Variants in WSCD1 observed in about 807,000 individuals in gnomAD.
WSCD1 encodes the protein sialate:O-sulfotransferase 1.
A neutral mutation model predicts 60.4 loss-of-function variants in WSCD1; 41 were observed. The observed-to-expected ratio is 0.68, with a 90% CI of 0.53 to 0.88. The LOEUF (loss-of-function observed/expected upper bound fraction) is 0.88, where lower values mean the gene tolerates loss of function less well. Among genes scored for constraint, WSCD1 ranks in the 40% least tolerant of loss-of-function variants. The pLI, the probability that WSCD1 is intolerant of heterozygous loss-of-function variation, is 0.00. For missense variants in WSCD1, 784 were observed against 796.2 expected (o/e 0.98, Z 0.18); for synonymous variants, 361 against 332.5 (o/e 1.09, Z -0.93).
intron 5 of WSCD1, among the ~76,000 whole-genome samples, chr17:6,107,360 G>T (rs1320088056): frequency 2.6e-5 from 4 of 151,980 alleles, no homozygotes; most frequent in Admixed American, 6.6e-5. Context: ...AAGTAGCCAG[G>T]CATGGTGGTG....
Position 6,075,632 on chromosome 17 carries a change from A to T in WSCD1, c.-288-4739A>T, listed in dbSNP as rs1029866685. Among the ~76,000 whole-genome samples the T allele has an allele frequency of 3.3e-5, 5 of 152,106 alleles. No individual in the cohort carries two copies. In the East Asian group the frequency reaches 7.8e-4, roughly 24 times the overall value. On this transcript the variant is annotated intron_variant, in intron 1 of 8. Transcript: ENST00000317744. The surrounding 1 kb of genome is among the most constrained non-coding windows in gnomAD (Gnocchi z 4.1). ...CCATTTGTTCTGTTACTCTCTTCTCATGCTTGACAGGGAACTCAGAATCTC... is the reference window on the plus strand; with the variant it reads ...CCATTTGTTCTGTTACTCTCTTCTCTTGCTTGACAGGGAACTCAGAATCTC...
At chr17:6,094,622 G>T (rs1489430486) in intron 4 of WSCD1, among the ~76,000 whole-genome samples, 1 of 150,344 alleles carries the variant, frequency 6.7e-6, no homozygotes, top group African/African-American at 2.4e-5. Context: ...AGGAAGGAAG[G>T]AAGGTAGGCA....
At chr17:6,084,236 G>T (rs976591351) in intron 2 of WSCD1, among the ~76,000 whole-genome samples, 1 of 152,234 alleles carries the variant, frequency 6.6e-6, no homozygotes, top group African/African-American at 2.4e-5. Flanking sequence ...TGCCAGGACC[G>T]AAGGAAGAAT....
intron 5 of WSCD1, among the ~76,000 whole-genome samples, chr17:6,104,925 GA>G (rs1911001777): frequency 6.6e-6 from 1 of 152,148 alleles, no homozygotes; most frequent in South Asian, 2.1e-4. Context: ...TGTGATCCCT[GA>G]AATCTCTGTC....
At chr17:6,071,797 G>A (rs1908559345) in intron 1 of WSCD1, among the ~76,000 whole-genome samples, 1 of 152,220 alleles carries the variant, frequency 6.6e-6, no homozygotes, top group South Asian at 2.1e-4. Context: ...GAGAGCTAGG[G>A]GAGGTTTCCT....
At chr17:6,088,208 A>C (rs1277127542) in intron 3 of WSCD1, 104 bp downstream of exon 3, 1 of 960,530 alleles carries the variant, frequency 1.0e-6, no homozygotes, top group Non-Finnish European at 1.6e-6. Context: ...TCATAGCATA[A>C]TTGGAACTCA....
Position 6,080,751 on chromosome 17 carries a change from C to CCTG in WSCD1, c.104_106dup (p.Leu35dup). Reference sequence around the variant, plus strand: ...CGGCTGCCTACCTGATGACCGGCAGCCTGCTGCTGCTGCAGCGGGTCCGCG... The same window carrying CCTG: ...CGGCTGCCTACCTGATGACCGGCAGCCTGCTGCTGCTGCTGCAGCGGGTCCGCG... On this transcript the variant is annotated inframe_insertion, in exon 2 of 9. Coordinates refer to ENST00000317744, the MANE Select transcript of WSCD1 (RefSeq NM_015253.2). The surrounding 1 kb of genome is among the most constrained non-coding windows in gnomAD (Gnocchi z 6.6). The CCTG allele has an allele frequency of 1.2e-6, 2 of 1,612,324 alleles. No individual in the cohort carries two copies. Among genetic ancestry groups the CCTG allele is most frequent in the Non-Finnish European group, 1.7e-6 (2 of 1,179,698 alleles).
In WSCD1 at chr17:6,118,123, C is replaced by T. The variant is rs762275250; in HGVS notation, c.1310C>T (p.Ala437Val). The change falls in exon 8 of 9, where the codon GCA becomes GTA. Residue 437 changes from alanine to valine, a missense_variant. Ala to Val is a moderately conservative substitution (Grantham distance 64). Transcript: ENST00000317744. The surrounding 1 kb of genome is among the most constrained non-coding windows in gnomAD (Gnocchi z 5.8). ...LIRNPYRSLV[A>V]EFNRKCAGHL... ...CGGAACCCATACAGGTCCCTGGTGG[C>T]AGAATTCAACAGAAAATGTGCCGGG... 2 of 1,614,108 alleles carry T rather than the reference C, an allele frequency of 1.2e-6. No homozygotes were observed. The highest frequency in any genetic ancestry group is 1.7e-6 in the Non-Finnish European group (2 of 1,180,026).
At chr17:6,072,396 T>C (rs924792067) in intron 1 of WSCD1, among the ~76,000 whole-genome samples, 1 of 152,126 alleles carries the variant, frequency 6.6e-6, no homozygotes, top group Non-Finnish European at 1.5e-5. Context: ...ACTCAGAGCC[T>C]CTGAATCCAG....
At chr17:6,103,614 A>G (rs1910928721) in intron 5 of WSCD1, among the ~76,000 whole-genome samples, 1 of 152,212 alleles carries the variant, frequency 6.6e-6, no homozygotes, top group African/African-American at 2.4e-5. Flanking sequence ...GACATTTGCC[A>G]CAAACAATCA....
chr17:6,072,323 T>G (rs899390872), intron 1 of WSCD1, among the ~76,000 whole-genome samples: 2 of 152,230 alleles, frequency 1.3e-5, no homozygotes, highest in Non-Finnish European at 2.9e-5. Flanking sequence ...CTGATCAGTT[T>G]GGCCAGAGCA....
chr17:6,095,580 G>A (rs540020865), intron 5 of WSCD1, among the ~76,000 whole-genome samples: 87 of 152,364 alleles, frequency 5.7e-4, no homozygotes, highest in African/African-American at 2.1e-3. Context: ...TGGATTTTCT[G>A]TTATTGGTGC....
At chr17:6,093,625 T>C (rs1264768204) in intron 4 of WSCD1, among the ~76,000 whole-genome samples, 1 of 151,884 alleles carries the variant, frequency 6.6e-6, no homozygotes, top group Non-Finnish European at 1.5e-5. Flanking sequence ...CAGGAAAGAG[T>C]TTTGTGAGCC....
chr17:6,071,946 GCT>G (rs907822670), intron 1 of WSCD1, among the ~76,000 whole-genome samples: 1 of 152,226 alleles, frequency 6.6e-6, no homozygotes, highest in African/African-American at 2.4e-5. Flanking sequence ...AAGAGCAGGA[GCT>G]CTCCCAGGCA....
chr17:6,096,375 C>G (rs547136872), intron 5 of WSCD1, among the ~76,000 whole-genome samples: 143 of 152,164 alleles, frequency 9.4e-4, no homozygotes, highest in African/African-American at 3.3e-3. Context: ...TCTGCTGCAC[C>G]CCCCCACTCC....
intron 4 of WSCD1, among the ~76,000 whole-genome samples, chr17:6,090,984 C>G (rs1002232131): frequency 6.6e-6 from 1 of 152,118 alleles, no homozygotes; most frequent in African/African-American, 2.4e-5. Flanking sequence ...CCCACCTCTC[C>G]GGTTCAAACA....
Position 6,080,859 on chromosome 17 carries a change from G to A in WSCD1, c.201G>A (p.Leu67=), listed in dbSNP as rs764797355. The A allele has an allele frequency of 6.2e-6, 10 of 1,605,830 alleles. No homozygotes were observed. The Middle Eastern group carries it at 6.7e-4, about 108-fold the overall frequency. The change falls in exon 2 of 9, where the codon CTG becomes CTA. Residue 67 remains leucine, a synonymous_variant. Coordinates refer to ENST00000317744, the MANE Select transcript of WSCD1 (RefSeq NM_015253.2). The surrounding 1 kb of genome is among the most constrained non-coding windows in gnomAD (Gnocchi z 6.6). The part of the protein sequence containing the change: ...VAAVALGVGL[L]DSRALHDPRV... The stretch of plus-strand genomic sequence containing the variant: ...CCGTGGCGCTGGGCGTGGGCTTGCT[G>A]GACAGCAGAGCCCTGCACGACCCTC...
At chr17:6,119,816 G>A (rs1232698530) in intron 8 of WSCD1, among the ~76,000 whole-genome samples, 1 of 152,084 alleles carries the variant, frequency 6.6e-6, no homozygotes, top group African/African-American at 2.4e-5. Context: ...GCCCAATAAT[G>A]GAAACTTTTT....
Position 6,114,784 on chromosome 17 carries a change from G to A in WSCD1, c.1175-3204G>A, listed in dbSNP as rs778187667. 5.6e-4 allele frequency among the ~76,000 whole-genome samples: 85 copies of A among 151,998 alleles called. 1 individual carries two copies. The highest frequency in any genetic ancestry group is 2.1e-4 in the South Asian group (1 of 4,800). ...GGTTTGCTGCACCTACCAACCCATCGTCTAGGTTGTAAGCCCCGTATGCCT... is the reference window on the plus strand; with the variant it reads ...GGTTTGCTGCACCTACCAACCCATCATCTAGGTTGTAAGCCCCGTATGCCT... On this transcript the variant is annotated intron_variant, in intron 7 of 8. Transcript: ENST00000317744.
Sources: gnomAD v4.1 joint callset for allele counts (sites outside exome capture counted in the v4.1 genomes callset) on GRCh38, gnomAD v4.1.1 for gene constraint, Gnocchi (gnomAD v3.1) non-coding constraint, MANE v1.5 for transcripts, NCBI Gene and HGNC (gene_info 2026-07-23, HGNC 2026-07-21) for gene names.